Variants in IGSF11 observed in about 807,000 individuals in gnomAD.
The protein encoded by IGSF11 is immunoglobulin superfamily member 11, also known as CXADR like 1.
A neutral mutation model predicts 41.0 loss-of-function variants in IGSF11; 22 were observed. The observed-to-expected ratio is 0.54, with a 90% CI of 0.38 to 0.77. The LOEUF (loss-of-function observed/expected upper bound fraction) is 0.77, where lower values mean the gene tolerates loss of function less well. Among genes scored for constraint, IGSF11 ranks in the 30% least tolerant of loss-of-function variants. The probability of loss-of-function intolerance (pLI) is 0.00; values close to 1 mark genes in which losing one functional copy is unlikely to be tolerated. For synonymous variants in IGSF11, 219 were observed against 201.3 expected, an observed-to-expected ratio of 1.09 and a Z score of -0.74; for missense variants, 444 against 530.8, an observed-to-expected ratio of 0.84 and a Z score of 1.61.
intron 1 of IGSF11, among the ~76,000 whole-genome samples, chr3:119,139,069 C>T (rs1355153786): frequency 6.6e-6 from 1 of 151,994 alleles, no homozygotes; most frequent in Non-Finnish European, 1.5e-5. Context: ...ACAGATACCC[C>T]ATTTACCCTT....
chr3:118,936,563 T>C (rs1054233778), intron 1 of IGSF11, among the ~76,000 whole-genome samples: 1 of 151,390 alleles, frequency 6.6e-6, no homozygotes, highest in South Asian at 2.1e-4. Flanking sequence ...ACATGTAAAA[T>C]GCATAATTTA....
chr3:119,044,445 T>C (rs1941240025), intron 1 of IGSF11, among the ~76,000 whole-genome samples: 2 of 152,012 alleles, frequency 1.3e-5, no homozygotes, highest in Admixed American at 6.5e-5. Context: ...GAATAATTAG[T>C]ATTCCTGAGG....
upstream of IGSF11, among the ~76,000 whole-genome samples, chr3:119,109,548 A>T (rs2077104680): frequency 1.3e-5 from 2 of 151,748 alleles, no homozygotes; most frequent in Non-Finnish European, 2.9e-5. Flanking sequence ...CAGCTCCTGG[A>T]TTCATTAATT....
chr3:119,010,207 C>CTA (rs1937942940), intron 1 of IGSF11, among the ~76,000 whole-genome samples: 1 of 152,102 alleles, frequency 6.6e-6, no homozygotes, highest in African/African-American at 2.4e-5. Context: ...CAGAGTATAC[C>CTA]CATGGAACAG....
intron 4 of IGSF11, among the ~76,000 whole-genome samples, chr3:118,911,536 G>A (rs1940296648): frequency 6.6e-6 from 1 of 152,106 alleles, no homozygotes; most frequent in African/African-American, 2.4e-5. Flanking sequence ...GGACACTAAG[G>A]CAGGAAGATA....
chr3:118,901,743 T>G lies in IGSF11; in HGVS notation c.*777A>C. On this transcript the variant is annotated 3_prime_UTR_variant, in exon 7 of 7. Transcript: ENST00000393775. Reference sequence around the variant, plus strand: ...TTCTTTCTTAGCCCAATGCCTCTCATGTATTTAAAAAAAAAAAAAAGCCTT... The same window carrying G: ...TTCTTTCTTAGCCCAATGCCTCTCAGGTATTTAAAAAAAAAAAAAAGCCTT... 7.6e-6 allele frequency: 1 copy of G among 130,890 alleles called. No individual in the cohort carries two copies. Among genetic ancestry groups the G allele is most frequent in the Non-Finnish European group, 1.6e-5 (1 of 64,320 alleles). The allele number at this position is 130,890 out of a possible 1,614,324, so 8.1% of individuals were successfully genotyped here.
intron 1 of IGSF11, among the ~76,000 whole-genome samples, chr3:119,033,185 TA>T (rs1940582438): frequency 6.6e-6 from 1 of 152,206 alleles, no homozygotes; most frequent in Non-Finnish European, 1.5e-5. Flanking sequence ...TTTATTATAA[TA>T]TACAACTTTA....
chr3:119,080,470 G>C (rs539434989), intron 1 of IGSF11, among the ~76,000 whole-genome samples: 3 of 152,124 alleles, frequency 2.0e-5, no homozygotes, highest in Non-Finnish European at 4.4e-5. Context: ...AATTTCAGCC[G>C]ACAGATTTTC....
At chr3:119,089,702 G>C (rs979943293) in intron 1 of IGSF11, among the ~76,000 whole-genome samples, 1 of 152,122 alleles carries the variant, frequency 6.6e-6, no homozygotes, top group African/African-American at 2.4e-5. Context: ...AGGCTTCCAG[G>C]CTGATAAGCT....
At chr3:119,132,378 CAAAAAAAAAAA>C (rs58700219) in intron 1 of IGSF11, among the ~76,000 whole-genome samples, 5 of 39,786 alleles carry the variant, frequency 1.3e-4, no homozygotes, top group African/African-American at 3.4e-4. Context: ...AAACAGAAAG[CAAAAAAAAAAA>C]AAAAAAAAAA....
chr3:119,058,056 T>G (rs1252167603), intron 1 of IGSF11, among the ~76,000 whole-genome samples: 3 of 152,152 alleles, frequency 2.0e-5, no homozygotes, highest in Non-Finnish European at 4.4e-5. Context: ...TCAGGACATA[T>G]GCTTGGGCAA....
chr3:119,001,203 A>G (rs1248187796), intron 1 of IGSF11, among the ~76,000 whole-genome samples: 1 of 150,028 alleles, frequency 6.7e-6, no homozygotes, highest in Non-Finnish European at 1.5e-5. Context: ...TTAAATTATA[A>G]TAATCCCTTT....
chr3:118,939,864 G>A (rs1232467595), intron 1 of IGSF11, among the ~76,000 whole-genome samples: 2 of 151,966 alleles, frequency 1.3e-5, no homozygotes, highest in African/African-American at 4.8e-5. Context: ...TCAAGACAGA[G>A]TAGAATTCAA....
intron 1 of IGSF11, among the ~76,000 whole-genome samples, chr3:118,961,441 C>T (rs192787545): frequency 3.2e-4 from 48 of 152,092 alleles, no homozygotes; most frequent in African/African-American, 9.2e-4. Context: ...AAAAATTATA[C>T]CTCAAAAAAG....
At chr3:119,008,563 G>A (rs1229558576) in intron 1 of IGSF11, among the ~76,000 whole-genome samples, 1 of 152,138 alleles carries the variant, frequency 6.6e-6, no homozygotes, top group Non-Finnish European at 1.5e-5. Flanking sequence ...AGTGCTAAAA[G>A]CTAATTTTTC....
intron 1 of IGSF11, among the ~76,000 whole-genome samples, chr3:119,123,737 T>A (rs796252640): frequency 5.3e-5 from 8 of 152,294 alleles, no homozygotes; most frequent in African/African-American, 1.9e-4. Flanking sequence ...AGAGAATCCA[T>A]CTGGACGTTA....
intron 1 of IGSF11, among the ~76,000 whole-genome samples, chr3:119,115,884 A>T (rs892572231): frequency 6.6e-6 from 1 of 152,230 alleles, no homozygotes; most frequent in Non-Finnish European, 1.5e-5. Context: ...AAAATTTATA[A>T]AAGTGGTGCA....
At chr3:118,908,462 C>G (rs1437705641) in intron 4 of IGSF11, among the ~76,000 whole-genome samples, 2 of 152,204 alleles carry the variant, frequency 1.3e-5, no homozygotes, top group Non-Finnish European at 2.9e-5. Flanking sequence ...CTCCAGCAAA[C>G]AGCAGACTGT....
At chr3:118,946,616 T>A (rs1944164275) in intron 1 of IGSF11, among the ~76,000 whole-genome samples, 1 of 152,196 alleles carries the variant, frequency 6.6e-6, no homozygotes, top group South Asian at 2.1e-4. Context: ...GTCCAATGTA[T>A]GTCATACTGC....
Sources: gnomAD v4.1 joint callset for allele counts (sites outside exome capture counted in the v4.1 genomes callset) on GRCh38, gnomAD v4.1.1 for gene constraint, MANE v1.5 for transcripts, NCBI Gene and HGNC (gene_info 2026-07-23, HGNC 2026-07-21) for gene names.